The following MUSK variants were observed in gnomAD, a reference collection of about 807,000 sequenced individuals.
MUSK encodes the protein muscle associated receptor tyrosine kinase, also known as muscle, skeletal receptor tyrosine-protein kinase.
Under a neutral mutation model 88.7 loss-of-function variants are expected in MUSK, and 55 were observed. That is an observed-to-expected ratio of 0.62 (90% CI 0.50 to 0.78). The LOEUF (loss-of-function observed/expected upper bound fraction) is 0.78, where lower values mean the gene tolerates loss of function less well. Among genes scored for constraint, MUSK ranks in the 30% least tolerant of loss-of-function variants. The pLI is 0.00. For missense variants in MUSK, 1,015 were observed against 1,074.3 expected, an observed-to-expected ratio of 0.94 and a Z score of 0.77; for synonymous variants, 387 against 391.9, an observed-to-expected ratio of 0.99 and a Z score of 0.15.
At chr9:110,706,041 T>G (rs747770760) in intron 5 of MUSK, 1 of 500,534 alleles carries the variant, frequency 2.0e-6, no homozygotes, top group Non-Finnish European at 4.1e-6. Context: ...TTGTTGCACA[T>G]TTTAATATCT....
At chr9:110,674,655 C>A (rs2076002191) in intron 1 of MUSK, among the ~76,000 whole-genome samples, 1 of 152,250 alleles carries the variant, frequency 6.6e-6, no homozygotes, top group East Asian at 1.9e-4. Context: ...GTCACACAGG[C>A]TGGAGTACAG....
In MUSK at chr9:110,682,816, T is replaced by C; in HGVS notation, c.206+16T>C. The C allele has an allele frequency of 1.3e-6, 2 of 1,594,974 alleles. No individual in the cohort carries two copies. Among genetic ancestry groups the C allele is most frequent in the Non-Finnish European group, 1.7e-6 (2 of 1,166,336 alleles). The stretch of plus-strand genomic sequence containing the variant: ...TTCTCATTAAGTAAGTATTCCACAT[T>C]TTAATTTTTTTAAATTTTTGTGGGT... On this transcript the variant is annotated intron_variant, in intron 2 of 14. Coordinates refer to ENST00000374448, the MANE Select transcript of MUSK (RefSeq NM_005592.4).
intron 11 of MUSK, among the ~76,000 whole-genome samples, chr9:110,781,814 T>C (rs772606778): frequency 6.6e-6 from 1 of 152,122 alleles, no homozygotes; most frequent in Non-Finnish European, 1.5e-5. Flanking sequence ...AGGGCATTAA[T>C]TCCATTTATC....
intron 14 of MUSK, among the ~76,000 whole-genome samples, chr9:110,798,319 T>C (rs1208532900): frequency 6.6e-6 from 1 of 152,214 alleles, no homozygotes; most frequent in African/African-American, 2.4e-5. Context: ...TTGTTTCCCT[T>C]TTATTGAAAT....
chr9:110,744,526 C>T (rs2077148937), intron 6 of MUSK, among the ~76,000 whole-genome samples: 1 of 152,162 alleles, frequency 6.6e-6, no homozygotes, highest in Admixed American at 6.5e-5. Context: ...TTATGTCAGG[C>T]ATGAATTATT....
At chr9:110,773,630 AG>A (rs1362359939) in intron 9 of MUSK, among the ~76,000 whole-genome samples, 1 of 152,068 alleles carries the variant, frequency 6.6e-6, no homozygotes, top group Non-Finnish European at 1.5e-5. Context: ...CAGCTGGAGT[AG>A]GTGTTTTTCA....
intron 3 of MUSK, among the ~76,000 whole-genome samples, chr9:110,689,717 ATGT>A (rs376582101): frequency 8.4e-5 from 3 of 35,648 alleles, no homozygotes; most frequent in African/African-American, 5.9e-4. Flanking sequence ...ATAACTATAT[ATGT>A]TATATATAGT....
intron 5 of MUSK, among the ~76,000 whole-genome samples, chr9:110,699,563 A>T (rs185264060): frequency 6.6e-6 from 1 of 152,210 alleles, no homozygotes; most frequent in African/African-American, 2.4e-5. Context: ...TTTTCATAAG[A>T]TATAATGTAG....
chr9:110,778,397 G>C (rs75927619), intron 11 of MUSK, among the ~76,000 whole-genome samples: 180 of 152,218 alleles, frequency 1.2e-3, no homozygotes, highest in African/African-American at 4.2e-3. Context: ...CTTCTGTGGA[G>C]AAAAGGTTAA....
chr9:110,763,983 T>C (rs2077437930), intron 8 of MUSK, among the ~76,000 whole-genome samples: 1 of 152,178 alleles, frequency 6.6e-6, no homozygotes, highest in South Asian at 2.1e-4. Flanking sequence ...ATAAAAGAAG[T>C]TGAAAAGGAG....
rs1214586316 is a variant in MUSK, at chr9:110,699,774, G to A, written c.628+2308G>A. On this transcript the variant is annotated intron_variant, in intron 5 of 14. Transcript: ENST00000374448. ...GACGAGCATATGTATGTATCAAGTC[G>A]TAACTCTGCAAATTAGTTATGCAGT... Among the ~76,000 whole-genome samples, 5 of 152,156 alleles carry A rather than the reference G, an allele frequency of 3.3e-5. No individual in the cohort carries two copies. The South Asian group carries it at 8.3e-4, about 25-fold the overall frequency.
At chr9:110,706,136 G>T in intron 5 of MUSK, 1 of 527,886 alleles carries the variant, frequency 1.9e-6, no homozygotes, top group Non-Finnish European at 3.9e-6. Context: ...TCGTTCCTTA[G>T]CTGTCCCCAA....
At chr9:110,687,668 G>A (rs994804156) in intron 3 of MUSK, among the ~76,000 whole-genome samples, 1 of 152,070 alleles carries the variant, frequency 6.6e-6, no homozygotes, top group Non-Finnish European at 1.5e-5. Flanking sequence ...TCAGTAAATA[G>A]AGATTTTCTC....
chr9:110,752,351 C>T (rs948414850), intron 7 of MUSK, among the ~76,000 whole-genome samples: 3 of 152,204 alleles, frequency 2.0e-5, no homozygotes, highest in Admixed American at 6.5e-5. Flanking sequence ...GAGCCTCTTT[C>T]ATTCAGGGTC....
intron 11 of MUSK, among the ~76,000 whole-genome samples, chr9:110,782,443 T>G (rs897145231): frequency 1.3e-5 from 2 of 152,204 alleles, no homozygotes; most frequent in Admixed American, 1.3e-4. Context: ...TTAAAAAAAC[T>G]CACTAAATCA....
At chr9:110,674,903 C>T (rs533105131) in intron 1 of MUSK, among the ~76,000 whole-genome samples, 1 of 152,122 alleles carries the variant, frequency 6.6e-6, no homozygotes, top group East Asian at 1.9e-4. Flanking sequence ...GAGCCACCAA[C>T]CACACCCAGC....
intron 6 of MUSK, among the ~76,000 whole-genome samples, chr9:110,740,508 CTCTT>C (rs1451337158): frequency 6.6e-6 from 1 of 152,122 alleles, no homozygotes; most frequent in Non-Finnish European, 1.5e-5. Flanking sequence ...TTTTATTCCT[CTCTT>C]TTATAGACCA....
intron 14 of MUSK, among the ~76,000 whole-genome samples, chr9:110,790,031 G>A (rs988538116): frequency 1.3e-5 from 2 of 152,182 alleles, no homozygotes; most frequent in Non-Finnish European, 2.9e-5. Flanking sequence ...CCAGTATTTA[G>A]TGTGAGAAAG....
chr9:110,742,213 T>G (rs1587979577), intron 6 of MUSK, among the ~76,000 whole-genome samples: 2 of 152,116 alleles, frequency 1.3e-5, no homozygotes, highest in East Asian at 3.9e-4. Flanking sequence ...TCCCAGCACT[T>G]TTGGAGGCCA....
Sources: allele counts gnomAD v4.1 joint callset (sites outside exome capture counted in the v4.1 genomes callset), GRCh38; gene constraint gnomAD v4.1.1; transcripts MANE v1.5; gene names NCBI Gene and HGNC (gene_info 2026-07-23, HGNC 2026-07-21).